Variants in FTCDNL1 observed in about 807,000 individuals in gnomAD.
FTCDNL1 encodes the protein formiminotransferase N-terminal subdomain-containing protein.
FTCDNL1 carries 11 observed loss-of-function variants against 5.9 expected under a neutral mutation model. The ratio of observed to expected loss-of-function variants is 1.87; its 90% CI spans 1.18 to 3.10. The LOEUF is 3.10. Among genes scored for constraint, FTCDNL1 ranks in the 30% most tolerant of loss-of-function variants. The probability of loss-of-function intolerance (pLI) is 0.00; values close to 1 mark genes in which losing one functional copy is unlikely to be tolerated. For synonymous variants in FTCDNL1, 58 were observed against 24.8 expected, an observed-to-expected ratio of 2.34 and a Z score of -3.99; for missense variants, 115 against 65.5, an observed-to-expected ratio of 1.76 and a Z score of -2.61.
rs546757817 is a variant in FTCDNL1, at chr2:199,817,634, T to C, written c.397+1938A>G. On this transcript the variant is annotated intron_variant, in intron 4 of 4. Coordinates refer to ENST00000420128, the MANE Select transcript of FTCDNL1 (RefSeq NM_001363886.2). ...GAAACCCTGTCTCTACAAAATATAC[T>C]TGGAAGGATGAGGTGGGGGAATCAC... 7.3e-4 allele frequency among the ~76,000 whole-genome samples: 110 copies of C among 151,706 alleles called. 2 individuals are homozygous for C. In the South Asian group the frequency reaches 0.019, roughly 26 times the overall value.
the FTCDNL1 span, among the ~76,000 whole-genome samples, chr2:199,703,926 A>G: frequency 1.0e-3 from 154 of 152,276 alleles, 1 homozygote; most frequent in Admixed American, 2.2e-3. Flanking sequence ...ATTTTTAGGT[A>G]TGGATGAAGG....
rs181547723 is a variant in FTCDNL1 at position 199,801,384 on chromosome 2, C to T, written c.212-40549G>A. Among the ~76,000 whole-genome samples, 165 of 152,254 alleles carry T rather than the reference C, an allele frequency of 1.1e-3. 1 individual carries two copies. Among genetic ancestry groups the T allele is most frequent in the African/African-American group, 3.6e-3 (151 of 41,558 alleles). On this transcript the variant is annotated intron_variant, in intron 3 of 3. Transcript: ENST00000416668. ...GGTCCCTGCTGGGGGTAGTGGCTCACGCCTCTAATCTCAGCACTTTGGGAG... is the reference window on the plus strand; with the variant it reads ...GGTCCCTGCTGGGGGTAGTGGCTCATGCCTCTAATCTCAGCACTTTGGGAG...
intron 3 of FTCDNL1, among the ~76,000 whole-genome samples, chr2:199,835,369 T>C (rs1169396287): frequency 7.2e-5 from 11 of 152,174 alleles, no homozygotes; most frequent in Admixed American, 7.2e-4. Flanking sequence ...GAGAATGAAT[T>C]ATTCAACCTA....
chr2:199,828,106 T>C (rs1167363785), intron 3 of FTCDNL1, among the ~76,000 whole-genome samples: 2 of 140,226 alleles, frequency 1.4e-5, no homozygotes, highest in Non-Finnish European at 3.0e-5. Flanking sequence ...CAAGGGCCTA[T>C]AGTAAGTAGG....
At chr2:199,784,239 C>A (rs576412259) in intron 3 of FTCDNL1, among the ~76,000 whole-genome samples, 5 of 152,286 alleles carry the variant, frequency 3.3e-5, no homozygotes, top group Admixed American at 3.3e-4. Flanking sequence ...CCAGCAACAG[C>A]AATCTGATTC....
chr2:199,696,178 C>A, the FTCDNL1 span, among the ~76,000 whole-genome samples: 2 of 152,232 alleles, frequency 1.3e-5, no homozygotes, highest in Non-Finnish European at 2.9e-5. Flanking sequence ...GCCACCCTGC[C>A]ACTAGGGCAA....
intron 3 of FTCDNL1, among the ~76,000 whole-genome samples, chr2:199,840,475 T>C (rs1197397160): frequency 1.3e-5 from 2 of 152,088 alleles, no homozygotes; most frequent in African/African-American, 4.8e-5. Flanking sequence ...TGTCTGTGTT[T>C]GTGTGAGTGT....
At chr2:199,835,227 C>T (rs2106604645) in intron 3 of FTCDNL1, among the ~76,000 whole-genome samples, 1 of 152,238 alleles carries the variant, frequency 6.6e-6, no homozygotes, top group East Asian at 1.9e-4. Flanking sequence ...TGCATTGTCA[C>T]TATAACAATC....
At chr2:199,804,744 T>C (rs1700635931), downstream of FTCDNL1, among the ~76,000 whole-genome samples, 1 of 152,234 alleles carries the variant, frequency 6.6e-6, no homozygotes, top group Non-Finnish European at 1.5e-5. Flanking sequence ...TCCCTCTCCA[T>C]TTCCCCCAGT....
intron 3 of FTCDNL1, among the ~76,000 whole-genome samples, chr2:199,801,893 G>A (rs549969761): frequency 4.8e-5 from 7 of 147,280 alleles, no homozygotes; most frequent in South Asian, 4.3e-4. Flanking sequence ...AGCCGAGATC[G>A]CGCCACTGCA....
At position 199,802,209 on chromosome 2, in the gene FTCDNL1, C is replaced by T. The variant is rs140679022; in HGVS notation, c.212-41374G>A. Among the ~76,000 whole-genome samples, 13 of 152,246 alleles carry T rather than the reference C, an allele frequency of 8.5e-5. No individual in the cohort carries two copies. The East Asian group carries it at 2.5e-3, about 29-fold the overall frequency. On this transcript the variant is annotated intron_variant, in intron 3 of 3. Coordinates refer to the FTCDNL1 transcript ENST00000416668. ...CAACCATGTAAGCATATTACTAGGG[C>T]CTGTGAACATATTACCCAGGACTTA...
chr2:199,777,305 A>C (rs1394094147), intron 3 of FTCDNL1, among the ~76,000 whole-genome samples: 1 of 152,036 alleles, frequency 6.6e-6, no homozygotes, highest in Non-Finnish European at 1.5e-5. Context: ...AAAAAAGAAA[A>C]AAAGAAAGAA....
chr2:199,681,312 CG>C, the FTCDNL1 span, among the ~76,000 whole-genome samples: 2 of 151,866 alleles, frequency 1.3e-5, no homozygotes, highest in Non-Finnish European at 2.9e-5. Context: ...AAAAATTACC[CG>C]GGTGTGGTGG....
intron 3 of FTCDNL1, among the ~76,000 whole-genome samples, chr2:199,792,680 C>T (rs926907435): frequency 1.3e-5 from 2 of 152,160 alleles, no homozygotes; most frequent in African/African-American, 4.8e-5. Flanking sequence ...GCAAACCTGA[C>T]AGCATTTCCC....
chr2:199,826,377 C>T (rs1702031485), intron 3 of FTCDNL1, among the ~76,000 whole-genome samples: 1 of 145,772 alleles, frequency 6.9e-6, no homozygotes, highest in African/African-American at 2.5e-5. Flanking sequence ...AGATCTTGAA[C>T]AATTTACTTT....
chr2:199,800,855 G>C (rs565713763), intron 3 of FTCDNL1, among the ~76,000 whole-genome samples: 3 of 152,268 alleles, frequency 2.0e-5, no homozygotes, highest in African/African-American at 7.2e-5. Context: ...TGTTTCCTAT[G>C]ATTATCACAA....
At chr2:199,731,334 CAT>C in the FTCDNL1 span, among the ~76,000 whole-genome samples, 2 of 152,120 alleles carry the variant, frequency 1.3e-5, no homozygotes, top group African/African-American at 4.8e-5. Flanking sequence ...ACATTCTACA[CAT>C]GTATCCCAGA....
At chr2:199,730,350 T>C in the FTCDNL1 span, among the ~76,000 whole-genome samples, 1 of 152,184 alleles carries the variant, frequency 6.6e-6, no homozygotes. Context: ...TGAGATCTAA[T>C]TAAACTATAG....
chr2:199,681,388 G>A, the FTCDNL1 span, among the ~76,000 whole-genome samples: 14 of 152,098 alleles, frequency 9.2e-5, no homozygotes, highest in East Asian at 1.9e-4. Context: ...CCCGGGAGGC[G>A]GAGGTTGCAG....
Sources: allele counts gnomAD v4.1 joint callset (sites outside exome capture counted in the v4.1 genomes callset), GRCh38; gene constraint gnomAD v4.1.1; transcripts MANE v1.5; gene names NCBI Gene and HGNC (gene_info 2026-07-23, HGNC 2026-07-21).